The following KCNIP1 variants were observed in gnomAD, a reference collection of about 807,000 sequenced individuals.
KCNIP1 encodes the protein A-type potassium channel modulatory protein KCNIP1.
Under a neutral mutation model 33.0 loss-of-function variants are expected in KCNIP1, and 18 were observed. The observed-to-expected ratio is 0.55, with a 90% CI of 0.38 to 0.81. The LOEUF (loss-of-function observed/expected upper bound fraction) is 0.81. KCNIP1 is among the 30% of genes least tolerant of loss of function. The pLI, the probability that KCNIP1 is intolerant of heterozygous loss-of-function variation, is 0.00. For synonymous variants in KCNIP1, 93 were observed against 98.3 expected, an observed-to-expected ratio of 0.95 and a Z score of 0.32; for missense variants, 238 against 271.6, an observed-to-expected ratio of 0.88 and a Z score of 0.87.
chr5:170,386,603 G>A (rs554537858), intron 1 of KCNIP1, among the ~76,000 whole-genome samples: 78 of 152,180 alleles, frequency 5.1e-4, no homozygotes, highest in Non-Finnish European at 9.7e-4. Flanking sequence ...AGCTGGGCCG[G>A]GCACAGGCAG....
chr5:170,734,716 G>T (rs961329572), intron 7 of KCNIP1, among the ~76,000 whole-genome samples: 37 of 152,200 alleles, frequency 2.4e-4, no homozygotes, highest in African/African-American at 8.9e-4. Context: ...AGAAAGCCGG[G>T]GAGAAGTTCC....
chr5:170,558,241 A>G (rs1756908154), intron 1 of KCNIP1, among the ~76,000 whole-genome samples: 1 of 152,246 alleles, frequency 6.6e-6, no homozygotes, highest in African/African-American at 2.4e-5. Flanking sequence ...ATCTAAGGTC[A>G]GAAGGCTTAA....
intron 1 of KCNIP1, among the ~76,000 whole-genome samples, chr5:170,464,792 A>G (rs889390918): frequency 1.3e-5 from 2 of 152,142 alleles, no homozygotes; most frequent in Non-Finnish European, 2.9e-5. Flanking sequence ...CTTGGGAATC[A>G]TGGAATTCTA....
chr5:170,507,311 T>TA (rs1408136508), intron 1 of KCNIP1, among the ~76,000 whole-genome samples: 1 of 152,244 alleles, frequency 6.6e-6, no homozygotes, highest in African/African-American at 2.4e-5. Context: ...TAGTAGTAGT[T>TA]ACCATCTTAA....
At chr5:170,360,201 T>A (rs545861335) in intron 1 of KCNIP1, among the ~76,000 whole-genome samples, 4 of 152,248 alleles carry the variant, frequency 2.6e-5, no homozygotes, top group African/African-American at 7.2e-5. Context: ...GGGCCATCTC[T>A]CTCAGCAGAC....
chr5:170,555,351 C>T (rs1326830542), intron 1 of KCNIP1, among the ~76,000 whole-genome samples: 2 of 152,148 alleles, frequency 1.3e-5, no homozygotes, highest in Admixed American at 6.5e-5. Context: ...ACAGAAGTTA[C>T]CCCTCCAGGA....
chr5:170,569,917 T>A (rs950397266), intron 1 of KCNIP1, among the ~76,000 whole-genome samples: 2 of 152,130 alleles, frequency 1.3e-5, no homozygotes, highest in Non-Finnish European at 2.9e-5. Flanking sequence ...GGAGCGAGCC[T>A]AAAAATGCAC....
intron 1 of KCNIP1, among the ~76,000 whole-genome samples, chr5:170,482,761 G>A (rs1757003650): frequency 6.6e-6 from 1 of 152,194 alleles, no homozygotes. Context: ...GCCTGTCTGA[G>A]AGAGGTTTTT....
intron 1 of KCNIP1, among the ~76,000 whole-genome samples, chr5:170,423,280 C>A (rs1755537099): frequency 9.4e-6 from 1 of 106,860 alleles, no homozygotes; most frequent in Admixed American, 1.0e-4. Context: ...ATTTCTTTTT[C>A]TTTCTTGTTT....
intron 1 of KCNIP1, among the ~76,000 whole-genome samples, chr5:170,479,087 C>A (rs991721989): frequency 1.3e-5 from 2 of 152,228 alleles, no homozygotes; most frequent in African/African-American, 4.8e-5. Context: ...GGACTCCACT[C>A]CTTTGGTTAC....
chr5:170,630,089 C>A (rs925794264), intron 1 of KCNIP1, among the ~76,000 whole-genome samples: 1 of 152,182 alleles, frequency 6.6e-6, no homozygotes, highest in Non-Finnish European at 1.5e-5. Context: ...AGGACTGAGT[C>A]CCTGGTGACT....
At chr5:170,494,698 C>T (rs1032525267) in intron 1 of KCNIP1, among the ~76,000 whole-genome samples, 7 of 152,224 alleles carry the variant, frequency 4.6e-5, no homozygotes, top group Non-Finnish European at 1.0e-4. Context: ...CAACTCCATC[C>T]TGGGAGGGAG....
At chr5:170,582,712 T>G (rs1371183673) in intron 1 of KCNIP1, among the ~76,000 whole-genome samples, 3 of 152,172 alleles carry the variant, frequency 2.0e-5, no homozygotes, top group African/African-American at 7.2e-5. Context: ...GCAGATCACT[T>G]ATCTGTATAA....
chr5:170,577,032 G>C (rs891590047), intron 1 of KCNIP1, among the ~76,000 whole-genome samples: 2 of 152,158 alleles, frequency 1.3e-5, no homozygotes, highest in Admixed American at 1.3e-4. Context: ...CCCTCTGGTG[G>C]GGTTGATTGA....
chr5:170,353,868 T>C (rs1229478873), exon 1 of KCNIP1: 1 of 1,613,422 alleles, frequency 6.2e-7, no homozygotes, highest in Non-Finnish European at 8.5e-7. Flanking sequence ...CTGGCTCCCC[T>C]CCGCCACCAT....
chr5:170,541,391 C>G (rs1449787224), intron 1 of KCNIP1, among the ~76,000 whole-genome samples: 1 of 152,204 alleles, frequency 6.6e-6, no homozygotes, highest in African/African-American at 2.4e-5. Context: ...TCTGTCTGAA[C>G]TCATAATCAG....
intron 1 of KCNIP1, among the ~76,000 whole-genome samples, chr5:170,689,858 G>A (rs570147551): frequency 1.8e-4 from 27 of 152,232 alleles, no homozygotes; most frequent in Middle Eastern, 3.4e-3. Flanking sequence ...TTCTGGATTC[G>A]CTGCTTCCAC....
At chr5:170,433,735 C>T (rs996140252) in intron 1 of KCNIP1, among the ~76,000 whole-genome samples, 3 of 152,208 alleles carry the variant, frequency 2.0e-5, no homozygotes, top group African/African-American at 7.2e-5. Flanking sequence ...CTGTTGAGGG[C>T]TTGCTGTATG....
intron 1 of KCNIP1, among the ~76,000 whole-genome samples, chr5:170,533,435 G>A (rs1755856073): frequency 1.3e-5 from 2 of 152,192 alleles, no homozygotes; most frequent in Non-Finnish European, 2.9e-5. Context: ...AACTAATATA[G>A]AGAGCTGAGT....
Sources: allele counts gnomAD v4.1 joint callset (sites outside exome capture counted in the v4.1 genomes callset), GRCh38; gene constraint gnomAD v4.1.1; transcripts MANE v1.5; gene names NCBI Gene and HGNC (gene_info 2026-07-23, HGNC 2026-07-21).